Variants in MGAT5 observed in about 807,000 individuals in gnomAD.
MGAT5 encodes the protein alpha-1,6-mannosylglycoprotein 6-beta-N-acetylglucosaminyltransferase, also known as alpha-1,6-mannosylglycoprotein 6-beta-N-acetylglucosaminyltransferase A.
MGAT5 carries 30 observed loss-of-function variants against 94.3 expected under a neutral mutation model. That is an observed-to-expected ratio of 0.32 (90% CI 0.24 to 0.43). The LOEUF is 0.43. MGAT5 is among the 20% of genes least tolerant of loss of function. The pLI is 1.00. For synonymous variants in MGAT5, 310 were observed against 322.9 expected, an observed-to-expected ratio of 0.96 and a Z score of 0.43; for missense variants, 691 against 905.5, an observed-to-expected ratio of 0.76 and a Z score of 3.04.
intron 1 of MGAT5, among the ~76,000 whole-genome samples, chr2:134,163,086 A>T (rs966613589): frequency 6.6e-6 from 1 of 152,218 alleles, no homozygotes; most frequent in African/African-American, 2.4e-5. Context: ...AGGAGTTGAC[A>T]GTCTGCTTAG....
intron 10 of MGAT5, among the ~76,000 whole-genome samples, chr2:134,366,120 TG>T (rs899583004): frequency 6.6e-6 from 1 of 152,208 alleles, no homozygotes; most frequent in African/African-American, 2.4e-5. Flanking sequence ...GCTGCAGTTC[TG>T]GGTCCCTGAT....
intron 10 of MGAT5, among the ~76,000 whole-genome samples, chr2:134,381,380 GATTA>G (rs1681558094): frequency 1.5e-4 from 6 of 40,086 alleles, no homozygotes; most frequent in African/African-American, 5.3e-4. Context: ...AGATAAGATA[GATTA>G]GATAGATAGA....
At chr2:134,384,035 T>C (rs1681804138) in intron 10 of MGAT5, among the ~76,000 whole-genome samples, 1 of 152,106 alleles carries the variant, frequency 6.6e-6, no homozygotes. Flanking sequence ...AAGAAGGGTA[T>C]ATTGGACATA....
intron 1 of MGAT5, among the ~76,000 whole-genome samples, chr2:134,131,713 C>T (rs948632581): frequency 7.9e-5 from 12 of 151,458 alleles, no homozygotes; most frequent in Non-Finnish European, 1.5e-4. Flanking sequence ...CCACCCTGGT[C>T]CCCCGCCCCC....
intron 10 of MGAT5, among the ~76,000 whole-genome samples, chr2:134,401,451 C>A (rs1375342120): frequency 6.6e-6 from 1 of 152,104 alleles, no homozygotes; most frequent in Non-Finnish European, 1.5e-5. Flanking sequence ...AGGAGTGGGT[C>A]CCCTCAGGTC....
intron 14 of MGAT5, among the ~76,000 whole-genome samples, chr2:134,429,944 T>C (rs975436369): frequency 2.0e-5 from 3 of 152,140 alleles, no homozygotes; most frequent in African/African-American, 4.8e-5. Flanking sequence ...GCTCACAGAT[T>C]GTGGAATCAA....
intron 1 of MGAT5, among the ~76,000 whole-genome samples, chr2:134,173,147 A>C (rs1027201628): frequency 2.0e-5 from 3 of 152,208 alleles, no homozygotes; most frequent in African/African-American, 7.2e-5. Context: ...CTCTAAAAAC[A>C]TGAGATTTTT....
intron 5 of MGAT5, among the ~76,000 whole-genome samples, chr2:134,337,558 G>A (rs769836395): frequency 3.9e-5 from 6 of 152,148 alleles, no homozygotes; most frequent in Non-Finnish European, 7.4e-5. Context: ...GCATGTTTGA[G>A]ATGTTCTATG....
intron 1 of MGAT5, among the ~76,000 whole-genome samples, chr2:134,209,182 A>C (rs10186027): frequency 0.51 from 15,175 of 29,880 alleles, 4,637 homozygotes; most frequent in Non-Finnish European, 0.54. Flanking sequence ...TTTTTTTTTT[A>C]TTTTTTAATT....
intron 4 of MGAT5, among the ~76,000 whole-genome samples, chr2:134,330,584 T>TGTGTGTG (rs1553447778): frequency 6.6e-6 from 1 of 151,576 alleles, no homozygotes; most frequent in African/African-American, 2.4e-5. Flanking sequence ...TGTGTGTGTG[T>TGTGTGTG]TACGAAGCCC....
chr2:134,224,503 A>G (rs758278373), intron 1 of MGAT5, among the ~76,000 whole-genome samples: 20 of 152,196 alleles, frequency 1.3e-4, no homozygotes, highest in Non-Finnish European at 2.5e-4. Context: ...GCCCCCAAAT[A>G]TTAGGATCTC....
chr2:134,341,732 T>A lies in MGAT5; in HGVS notation c.950T>A (p.Ile317Asn). ...TACTTACTGGGCCATGACATTAGGA[T>A]TTCAGCTTCACTGGCTGAGCTCAAG... ...SLYLLGHDIRISASLAELKEI... is the reference protein window; with the variant it reads ...SLYLLGHDIRNSASLAELKEI... Residue 317 changes from isoleucine to asparagine, a missense_variant, in exon 7 of 16, where the codon ATT (isoleucine) becomes AAT (asparagine). Physicochemically the swap from Ile to Asn is moderately radical, Grantham distance 149 (BLOSUM62 -3). Coordinates refer to ENST00000281923, the MANE Select transcript of MGAT5 (RefSeq NM_002410.5). The A allele has an allele frequency of 6.2e-7, 1 of 1,611,254 alleles. No homozygotes were observed.
intron 2 of MGAT5, among the ~76,000 whole-genome samples, chr2:134,294,694 T>C (rs916595322): frequency 2.0e-5 from 3 of 152,210 alleles, no homozygotes; most frequent in African/African-American, 7.2e-5. Context: ...AAGAAATCAA[T>C]GTACTTTATG....
At chr2:134,257,831 A>C (rs1573630733) in intron 1 of MGAT5, among the ~76,000 whole-genome samples, 2 of 40,884 alleles carry the variant, frequency 4.9e-5, no homozygotes, top group South Asian at 2.0e-3. Context: ...ATTAGTTTGC[A>C]GTCTCTTTTT....
rs150657584 is a variant in MGAT5 at position 134,131,434 on chromosome 2, T to C, written c.-143+11143T>C. On this transcript the variant is annotated intron_variant, in intron 1 of 16. Coordinates refer to the MGAT5 transcript ENST00000409645. The stretch of plus-strand genomic sequence containing the variant: ...TTCCCGAAATTAGTATTCTTTTCAC[T>C]CTGCTTTTCTGCCTTACAAGCGATA... Among the ~76,000 whole-genome samples the C allele has an allele frequency of 5.7e-3, 875 of 152,326 alleles. 2 individuals are homozygous for C. Among genetic ancestry groups the C allele is most frequent in the Non-Finnish European group, 9.1e-3 (618 of 68,036 alleles).
At chr2:134,305,661 G>C (rs1416821270) in intron 2 of MGAT5, among the ~76,000 whole-genome samples, 2 of 152,134 alleles carry the variant, frequency 1.3e-5, no homozygotes, top group Non-Finnish European at 2.9e-5. Context: ...ATGGAACCCT[G>C]TTTTAGAAGA....
At chr2:134,433,931 G>A (rs1685025530) in intron 14 of MGAT5, among the ~76,000 whole-genome samples, 1 of 151,638 alleles carries the variant, frequency 6.6e-6, no homozygotes, top group Non-Finnish European at 1.5e-5. Flanking sequence ...CAGACAATGT[G>A]GGTTCCCACC....
intron 1 of MGAT5, among the ~76,000 whole-genome samples, chr2:134,181,168 C>G (rs142134292): frequency 1.3e-5 from 2 of 152,264 alleles, no homozygotes; most frequent in African/African-American, 4.8e-5. Flanking sequence ...CAATTTTGTT[C>G]TCCATGGTCA....
intron 11 of MGAT5, among the ~76,000 whole-genome samples, chr2:134,411,023 C>G (rs1683622212): frequency 6.6e-6 from 1 of 152,168 alleles, no homozygotes; most frequent in African/African-American, 2.4e-5. Context: ...GATCACAAGT[C>G]TGGTAGATAA....
Sources: allele counts gnomAD v4.1 joint callset (sites outside exome capture counted in the v4.1 genomes callset), GRCh38; gene constraint gnomAD v4.1.1; transcripts MANE v1.5; gene names NCBI Gene and HGNC (gene_info 2026-07-23, HGNC 2026-07-21).